MAPK10: variants seen among roughly 807,000 people sequenced by gnomAD.
The protein encoded by MAPK10 is JNK3 alpha protein kinase.
A neutral mutation model predicts 59.3 loss-of-function variants in MAPK10; 25 were observed. That is an observed-to-expected ratio of 0.42 (90% confidence interval 0.31 to 0.59). The LOEUF (loss-of-function observed/expected upper bound fraction) is 0.59. MAPK10 is among the 20% of genes least tolerant of loss of function. The pLI, the probability that MAPK10 is intolerant of heterozygous loss-of-function variation, is 0.15. For synonymous variants in MAPK10, 190 were observed against 200.5 expected (o/e 0.95, Z 0.44); for missense variants, 351 against 568.9 (o/e 0.62, Z 3.90).
chr4:86,264,679 T>G (rs2148752633), intron 2 of MAPK10, among the ~76,000 whole-genome samples: 1 of 152,300 alleles, frequency 6.6e-6, no homozygotes, highest in Non-Finnish European at 1.5e-5. Context: ...TTTTTGTTTT[T>G]TCCTGATTCT....
At chr4:86,463,659 G>A (rs1751946218) in intron 1 of MAPK10, among the ~76,000 whole-genome samples, 1 of 152,054 alleles carries the variant, frequency 6.6e-6, no homozygotes, top group Non-Finnish European at 1.5e-5. Flanking sequence ...CCATATGTAG[G>A]GATCAATTGG....
chr4:86,028,469 A>G (rs1751451933), intron 13 of MAPK10: 1 of 152,124 alleles, frequency 6.6e-6, no homozygotes, highest in South Asian at 2.1e-4. Flanking sequence ...ATTTAGGAAA[A>G]CAACACCCTA....
At chr4:86,056,143 G>A (rs191477719) in intron 11 of MAPK10, among the ~76,000 whole-genome samples, 2 of 150,172 alleles carry the variant, frequency 1.3e-5, no homozygotes, top group East Asian at 3.9e-4. Flanking sequence ...AGTCTGTATA[G>A]AGAGCTGTTT....
intron 9 of MAPK10, 53 bp downstream of exon 9, chr4:86,098,470 TA>T: frequency 6.2e-7 from 1 of 1,610,002 alleles, no homozygotes. Context: ...ATTATGTGTT[TA>T]AAAGGGAGAG....
chr4:86,047,993 TGA>T (rs1167666658), intron 11 of MAPK10, among the ~76,000 whole-genome samples: 3 of 152,102 alleles, frequency 2.0e-5, no homozygotes, highest in Non-Finnish European at 2.9e-5. Flanking sequence ...AGAAGTGATC[TGA>T]GTCAAGGTAT....
chr4:86,243,170 T>A (rs556554676), intron 2 of MAPK10, among the ~76,000 whole-genome samples: 15 of 152,312 alleles, frequency 9.8e-5, no homozygotes, highest in African/African-American at 3.4e-4. Flanking sequence ...GAAGGATTCA[T>A]ACGTTTATTA....
upstream of MAPK10, among the ~76,000 whole-genome samples, chr4:86,362,050 CT>C (rs1487431140): frequency 6.6e-6 from 1 of 152,046 alleles, no homozygotes; most frequent in African/African-American, 2.4e-5. Flanking sequence ...AAAGTTCTTA[CT>C]ACAAAGAAAT....
In MAPK10 at chr4:86,544,199, T is replaced by G. The variant is rs185238700; in HGVS notation, c.-263+49711A>C. ...ATTCTTAACCCAAGAGGTGATGGAT[T>G]GTCTTTCTGGTGCTTACTAGTATAA... On this transcript the variant is annotated intron_variant, in intron 1 of 4. Coordinates refer to the MAPK10 transcript ENST00000502302. 2.3e-4 allele frequency among the ~76,000 whole-genome samples: 35 copies of G among 152,304 alleles called. No individual in the cohort carries two copies. The East Asian group carries it at 6.7e-3, about 29-fold the overall frequency.
intron 3 of MAPK10, among the ~76,000 whole-genome samples, chr4:86,164,253 C>T (rs891847689): frequency 3.3e-5 from 5 of 152,062 alleles, no homozygotes; most frequent in Non-Finnish European, 5.9e-5. Flanking sequence ...GTCTAGCTCA[C>T]GGTAAAAGAT....
intron 2 of MAPK10, among the ~76,000 whole-genome samples, chr4:86,296,660 T>C (rs2095368217): frequency 6.6e-6 from 1 of 152,156 alleles, no homozygotes; most frequent in Admixed American, 6.5e-5. Context: ...ATAAAACTCA[T>C]GCCACAGACT....
chr4:86,220,962 T>C (rs2089381486), intron 2 of MAPK10, among the ~76,000 whole-genome samples: 1 of 152,178 alleles, frequency 6.6e-6, no homozygotes, highest in Non-Finnish European at 1.5e-5. Flanking sequence ...ATTATTTTTA[T>C]TTTCTGTATC....
chr4:86,302,813 T>C (rs942923583), intron 2 of MAPK10, among the ~76,000 whole-genome samples: 1 of 152,094 alleles, frequency 6.6e-6, no homozygotes, highest in South Asian at 2.1e-4. Context: ...AGTACATAAA[T>C]AAAATAAAAA....
intron 2 of MAPK10, among the ~76,000 whole-genome samples, chr4:86,217,845 G>C (rs2088182645): frequency 6.6e-6 from 1 of 151,902 alleles, no homozygotes; most frequent in Non-Finnish European, 1.5e-5. Flanking sequence ...GTAAATAACA[G>C]TTCACATCAC....
intron 3 of MAPK10, among the ~76,000 whole-genome samples, chr4:86,176,297 C>T (rs1285662210): frequency 2.0e-5 from 3 of 152,122 alleles, no homozygotes; most frequent in Non-Finnish European, 2.9e-5. Flanking sequence ...AGCATGATTA[C>T]AAATTAACCA....
chr4:86,548,458 C>G (rs75205864), intron 1 of MAPK10, among the ~76,000 whole-genome samples: 7,126 of 152,196 alleles, frequency 0.047, 221 homozygotes, highest in African/African-American at 0.059. Context: ...TAGATAACTG[C>G]TATGGTTTGG....
At chr4:86,386,953 A>C (rs1016311177) in intron 1 of MAPK10, among the ~76,000 whole-genome samples, 1 of 152,198 alleles carries the variant, frequency 6.6e-6, no homozygotes, top group African/African-American at 2.4e-5. Flanking sequence ...AGAGAGGCTG[A>C]GTAGGCTGTC....
At chr4:86,553,419 T>C (rs745790952) in intron 1 of MAPK10, among the ~76,000 whole-genome samples, 1 of 152,194 alleles carries the variant, frequency 6.6e-6, no homozygotes, top group Non-Finnish European at 1.5e-5. Context: ...AAATTAGTTT[T>C]GGTTGTACCA....
intron 4 of MAPK10, chr4:86,152,746 T>TA (rs1252594764): frequency 3.9e-5 from 6 of 152,160 alleles, no homozygotes. Flanking sequence ...TATTTTTCGT[T>TA]ACAAAATTTA....
chr4:86,569,594 T>C (rs1200661604), intron 1 of MAPK10, among the ~76,000 whole-genome samples: 2 of 152,200 alleles, frequency 1.3e-5, no homozygotes, highest in South Asian at 2.1e-4. Context: ...TGTGGTATTA[T>C]ATATACCATG....
Sources: allele counts gnomAD v4.1 joint callset (sites outside exome capture counted in the v4.1 genomes callset), GRCh38; gene constraint gnomAD v4.1.1; transcripts MANE v1.5; gene names NCBI Gene and HGNC (gene_info 2026-07-23, HGNC 2026-07-21).